The following XPO6 variants were observed in gnomAD, a reference collection of about 807,000 sequenced individuals.
XPO6 encodes exportin 6.
XPO6 carries 3 observed loss-of-function variants against 130.0 expected under a neutral mutation model. The observed-to-expected ratio is 0.02, with a 90% confidence interval of 0.01 to 0.06. The LOEUF (loss-of-function observed/expected upper bound fraction) is 0.06. Ranked by LOEUF, XPO6 falls within the 10% of genes least tolerant of loss-of-function variation. The pLI is 1.00. For missense variants in XPO6, 970 were observed against 1,393.0 expected, an observed-to-expected ratio of 0.70 and a Z score of 4.83; for synonymous variants, 524 against 548.9, an observed-to-expected ratio of 0.95 and a Z score of 0.63.
chr16:28,164,254 A>G (rs1419547409), intron 6 of XPO6, among the ~76,000 whole-genome samples: 2 of 152,184 alleles, frequency 1.3e-5, no homozygotes, highest in Non-Finnish European at 2.9e-5. Flanking sequence ...CTCAGAACAA[A>G]TTTTCTCTAG....
At chr16:28,152,074 A>ATGTGTG (rs71389527) in intron 8 of XPO6, among the ~76,000 whole-genome samples, 43,250 of 151,118 alleles carry the variant, frequency 0.29, 6,202 homozygotes, top group Middle Eastern at 0.32. Flanking sequence ...TATATTTTTT[A>ATGTGTG]TGTGTGTGTG....
chr16:28,143,500 C>T (rs2042931543), intron 9 of XPO6, among the ~76,000 whole-genome samples: 1 of 151,992 alleles, frequency 6.6e-6, no homozygotes, highest in South Asian at 2.1e-4. Context: ...CACGGCTAGC[C>T]TAAAGCAAAA....
intron 8 of XPO6, among the ~76,000 whole-genome samples, chr16:28,146,606 C>CCTT (rs1321891493): frequency 5.3e-5 from 8 of 152,200 alleles, no homozygotes; most frequent in Non-Finnish European, 1.2e-4. Context: ...TACCCCCAGC[C>CCTT]AATGCTCTTT....
chr16:28,102,004 C>T lies in XPO6; in HGVS notation c.2947-59G>A, dbSNP rs189606997. ...AGACCAAGCACTTCTGGAGCATCTA[C>T]CCCATGTCAGAAGAACAAGTGCCAG... is the stretch of plus-strand genomic sequence containing the variant. On this transcript the variant is annotated intron_variant, in intron 21 of 23. Coordinates refer to ENST00000304658, the MANE Select transcript of XPO6 (RefSeq NM_015171.4). The T allele has an allele frequency of 7.5e-5, 108 of 1,443,882 alleles. 1 individual carries two copies. In the East Asian group the frequency reaches 2.4e-3, roughly 32 times the overall value. The allele number at this position is 1,443,882 out of a possible 1,614,324, so 89.4% of individuals were successfully genotyped here.
chr16:28,170,075 G>A (rs547502296), intron 4 of XPO6, among the ~76,000 whole-genome samples, 166 bp from the exon 5 acceptor site: 4 of 152,294 alleles, frequency 2.6e-5, no homozygotes, highest in South Asian at 2.1e-4. Context: ...GCTCACGCCT[G>A]TAATCCCAGC....
In XPO6 at chr16:28,098,450, A is replaced by G. The variant is rs2141220389; in HGVS notation, c.*88T>C. On this transcript the variant is annotated 3_prime_UTR_variant, in exon 24 of 24. Transcript: ENST00000304658. ...GTGGGAGAAGCCAAGGAGTGTGACCAAGGCCCATCTGGGAGACATCTGTGG... is the reference window on the plus strand; with the variant it reads ...GTGGGAGAAGCCAAGGAGTGTGACCGAGGCCCATCTGGGAGACATCTGTGG... 8.3e-7 allele frequency: 1 copy of G among 1,208,164 alleles called. No homozygotes were observed. The highest frequency in any genetic ancestry group is 1.2e-6 in the Non-Finnish European group (1 of 844,332). The allele number at this position is 1,208,164 out of a possible 1,614,324, so 74.8% of individuals were successfully genotyped here.
intron 18 of XPO6, among the ~76,000 whole-genome samples, chr16:28,107,251 C>T (rs924551868): frequency 6.6e-6 from 1 of 152,166 alleles, no homozygotes; most frequent in Non-Finnish European, 1.5e-5. Flanking sequence ...CACCTTGCCA[C>T]AAAATAAGGA....
At chr16:28,130,134 G>C (rs1236604237) in intron 12 of XPO6, among the ~76,000 whole-genome samples, 2 of 152,238 alleles carry the variant, frequency 1.3e-5, no homozygotes, top group Non-Finnish European at 2.9e-5. Flanking sequence ...AGAAGCACGA[G>C]ATCTTCTGAA....
intron 14 of XPO6, among the ~76,000 whole-genome samples, chr16:28,120,183 A>G (rs367911325): frequency 6.6e-6 from 1 of 152,146 alleles, no homozygotes; most frequent in Admixed American, 6.5e-5. Context: ...AAATAATAAT[A>G]ATAATCATCA....
chr16:28,149,202 C>T (rs1269021406), intron 8 of XPO6, among the ~76,000 whole-genome samples: 2 of 151,912 alleles, frequency 1.3e-5, no homozygotes, highest in African/African-American at 2.4e-5. Flanking sequence ...GTGGTGAGGA[C>T]GCACTAAGCT....
At chr16:28,113,634 G>A (rs186037019) in intron 15 of XPO6, among the ~76,000 whole-genome samples, 5 of 152,124 alleles carry the variant, frequency 3.3e-5, no homozygotes, top group South Asian at 2.1e-4. Flanking sequence ...GAATTACTTC[G>A]GGAAAAAAAT....
At chr16:28,196,097 T>C (rs577272218) in intron 1 of XPO6, among the ~76,000 whole-genome samples, 1 of 152,302 alleles carries the variant, frequency 6.6e-6, no homozygotes, top group African/African-American at 2.4e-5. Context: ...TGTCTCTATT[T>C]TAGGTTCCAT....
At chr16:28,190,524 T>C (rs1431284662) in intron 1 of XPO6, among the ~76,000 whole-genome samples, 2 of 152,124 alleles carry the variant, frequency 1.3e-5, no homozygotes, top group African/African-American at 2.4e-5. Flanking sequence ...GTGCCCAGCC[T>C]GGTTTCAATA....
At chr16:28,120,524 G>C (rs1410433003) in intron 14 of XPO6, among the ~76,000 whole-genome samples, 1 of 152,094 alleles carries the variant, frequency 6.6e-6, no homozygotes, top group African/African-American at 2.4e-5. Flanking sequence ...TCAGCCTTAG[G>C]AGTAAGAATT....
chr16:28,211,858 A>C lies in XPO6; in HGVS notation c.-490T>G. 2.3e-5 allele frequency: 4 copies of C among 175,012 alleles called. No individual in the cohort carries two copies. The highest frequency in any genetic ancestry group is 2.4e-5 in the African/African-American group (1 of 42,228). 10.8% of individuals were successfully genotyped at this position (175,012 alleles called of 1,614,324 possible). ...CGCTGTCCTCGCAGCCTCAACCCAC[A>C]CGGCCACTGCCGCCGCCCCCTAGAG... On this transcript the variant is annotated 5_prime_UTR_variant, in exon 1 of 24. Transcript: ENST00000304658.
chr16:28,142,479 G>T (rs918658193), intron 9 of XPO6, among the ~76,000 whole-genome samples: 2 of 152,194 alleles, frequency 1.3e-5, no homozygotes, highest in Non-Finnish European at 2.9e-5. Context: ...AGACCACTAA[G>T]GGGTATCTGA....
chr16:28,172,457 A>C (rs2043464716), intron 4 of XPO6, among the ~76,000 whole-genome samples: 1 of 152,142 alleles, frequency 6.6e-6, no homozygotes, highest in African/African-American at 2.4e-5. Flanking sequence ...CTCTAGCCCC[A>C]CGTACAATGT....
rs980996794 is a variant in XPO6, at chr16:28,153,345, G to A, written c.1098-560C>T. On this transcript the variant is annotated intron_variant, in intron 7 of 23. Coordinates refer to ENST00000304658, the MANE Select transcript of XPO6 (RefSeq NM_015171.4). Reference sequence around the variant, plus strand: ...TAAAAGTGATTTCAAATATAAGGGAGGAAGGCTATTAGAACTGGGCAAGCC... The same window carrying A: ...TAAAAGTGATTTCAAATATAAGGGAAGAAGGCTATTAGAACTGGGCAAGCC... 9 of 985,656 alleles carry A rather than the reference G, an allele frequency of 9.1e-6. No homozygotes were observed. In the Admixed American group the frequency reaches 4.9e-4, roughly 54 times the overall value. 61.1% of individuals were successfully genotyped at this position (985,656 alleles called of 1,614,324 possible). A position where few individuals can be genotyped will look rare whatever the true frequency, so the allele number is the denominator to read the frequency against.
intron 13 of XPO6, among the ~76,000 whole-genome samples, chr16:28,123,004 G>A (rs905662649): frequency 2.6e-5 from 4 of 152,066 alleles, no homozygotes; most frequent in Admixed American, 2.6e-4. Context: ...GGTTGCTCAA[G>A]GGCTCACTGG....
Sources: allele counts gnomAD v4.1 joint callset (sites outside exome capture counted in the v4.1 genomes callset), GRCh38; gene constraint gnomAD v4.1.1; transcripts MANE v1.5; gene names NCBI Gene and HGNC (gene_info 2026-07-23, HGNC 2026-07-21).